The following PIK3R1 variants were observed in gnomAD, a reference collection of about 807,000 sequenced individuals.
PIK3R1 encodes phosphoinositide-3-kinase regulatory subunit 1, also known as phosphatidylinositol 3-kinase regulatory subunit alpha.
A neutral mutation model predicts 98.0 loss-of-function variants in PIK3R1; 29 were observed. The ratio of observed to expected loss-of-function variants is 0.30; its 90% CI spans 0.22 to 0.40. PIK3R1 has a LOEUF of 0.40. PIK3R1 is among the 10% of genes least tolerant of loss of function. The pLI is 1.00. For synonymous variants in PIK3R1, 282 were observed against 311.8 expected, an observed-to-expected ratio of 0.90 and a Z score of 1.01; for missense variants, 596 against 872.7, an observed-to-expected ratio of 0.68 and a Z score of 3.99.
intron 2 of PIK3R1, among the ~76,000 whole-genome samples, chr5:68,261,471 A>G (rs957445558): frequency 4.6e-5 from 7 of 152,164 alleles, no homozygotes; most frequent in Admixed American, 6.5e-5. Context: ...AATAGTGACA[A>G]TCATAAATAG....
rs141981005 is a variant in PIK3R1, at chr5:68,280,609, C to A, written c.716C>A (p.Thr239Lys). The change falls in exon 6 of 16, where the codon ACG becomes AAG. Residue 239 changes from threonine (T) to lysine (K), a missense_variant. Physicochemically the swap from Thr to Lys is moderately conservative, Grantham distance 78. Around this residue, in one of 3 missense-constraint regions of PIK3R1, gnomAD observed 352 missense variants for 393.3 expected, o/e 0.90. Coordinates refer to ENST00000521381, the MANE Select transcript of PIK3R1 (RefSeq NM_181523.3). ...SPSIPHQYWL[T>K]LQYLLKHFFK... ...AGCATACCTCATCAGTATTGGCTTA[C>A]GCTTCAGTATTTGTTAAAACATTTC... The A allele has an allele frequency of 9.3e-6, 15 of 1,613,058 alleles. No homozygotes were observed. Among genetic ancestry groups the A allele is most frequent in the Non-Finnish European group, 1.3e-5 (15 of 1,179,264 alleles).
chr5:68,239,921 C>T (rs1744811255), intron 2 of PIK3R1: 2 of 500,776 alleles, frequency 4.0e-6, no homozygotes, highest in South Asian at 1.5e-5. Flanking sequence ...CTCATCAGAA[C>T]CGCAGGCTGG....
intron 7 of PIK3R1, among the ~76,000 whole-genome samples, chr5:68,283,220 C>G (rs1746922970): frequency 6.6e-6 from 1 of 152,112 alleles, no homozygotes; most frequent in African/African-American, 2.4e-5. Context: ...AAATGAGTAC[C>G]TGAATGATGT....
chr5:68,228,148 G>A (rs577963732), intron 2 of PIK3R1, among the ~76,000 whole-genome samples: 2 of 152,142 alleles, frequency 1.3e-5, no homozygotes, highest in African/African-American at 4.8e-5. Flanking sequence ...ATATATTGAG[G>A]AGACCTGACT....
rs1405541441 is a variant in PIK3R1, at chr5:68,301,386, GTGTGTGTATATATATATATATATA to G, written c.*3787_*3810del. The G allele has an allele frequency of 7.5e-4, 26 of 34,840 alleles. 1 individual carries two copies. Among genetic ancestry groups the G allele is most frequent in the Admixed American group, 2.0e-3 (5 of 2,442 alleles). 2.2% of individuals were successfully genotyped at this position (34,840 alleles called of 1,614,324 possible). A position where few individuals can be genotyped will look rare whatever the true frequency, so the allele number is the denominator to read the frequency against. On this transcript the variant is annotated 3_prime_UTR_variant, in exon 16 of 16. Transcript: ENST00000521381. ...TATATATGTGTGTGTGTGTGTGTGT[GTGTGTGTATATATATATATATATA>G]TATATATATATATATATATATATGT...
intron 2 of PIK3R1, among the ~76,000 whole-genome samples, chr5:68,228,902 C>G (rs1744377295): frequency 6.6e-6 from 1 of 152,110 alleles, no homozygotes; most frequent in Non-Finnish European, 1.5e-5. Flanking sequence ...GTCATTTTCT[C>G]TTTTTATATC....
intron 2 of PIK3R1, among the ~76,000 whole-genome samples, chr5:68,236,477 T>C (rs1744675513): frequency 1.3e-5 from 2 of 149,990 alleles, no homozygotes; most frequent in African/African-American, 4.9e-5. Context: ...TCTCGATCTC[T>C]TGACCTTGTG....
At chr5:68,217,799 G>T (rs1743958578) in intron 1 of PIK3R1, 1 of 152,164 alleles carries the variant, frequency 6.6e-6, no homozygotes, top group Non-Finnish European at 1.5e-5. Flanking sequence ...TTATATGCAG[G>T]TAGGTACTAG....
rs2112312436 is a variant in PIK3R1 at position 68,300,679 on chromosome 5, G to C, written c.*3078G>C. 2 of 233,310 alleles carry C rather than the reference G, an allele frequency of 8.6e-6. No homozygotes were observed. The highest frequency in any genetic ancestry group is 1.2e-4 in the East Asian group (2 of 16,586). 14.5% of individuals were successfully genotyped at this position (233,310 alleles called of 1,614,324 possible). The stretch of plus-strand genomic sequence containing the variant: ...TCCAGTACACCTTTCAGCCAAAACA[G>C]ATCCACAGTAGTTGTTGAGTTCAAG... On this transcript the variant is annotated 3_prime_UTR_variant, in exon 16 of 16. Transcript: ENST00000521381.
rs919015913 is a variant in PIK3R1, at chr5:68,300,418, T to C, written c.*2817T>C. ...AGATACAGCAGAGGCACTCCTGATA[T>C]ATGATTTTTATCCATGCGTCAGTTT... On this transcript the variant is annotated 3_prime_UTR_variant, in exon 16 of 16. Coordinates refer to ENST00000521381, the MANE Select transcript of PIK3R1 (RefSeq NM_181523.3). 2.6e-5 allele frequency: 6 copies of C among 232,934 alleles called. No individual in the cohort carries two copies. Among genetic ancestry groups the C allele is most frequent in the Admixed American group, 5.6e-5 (1 of 17,768 alleles). 14.4% of individuals were successfully genotyped at this position (232,934 alleles called of 1,614,324 possible). A position where few individuals can be genotyped will look rare whatever the true frequency, so the allele number is the denominator to read the frequency against.
intron 2 of PIK3R1, among the ~76,000 whole-genome samples, chr5:68,267,186 T>C (rs899762362): frequency 6.6e-6 from 1 of 152,218 alleles, no homozygotes; most frequent in East Asian, 1.9e-4. Flanking sequence ...CAAACTCCAA[T>C]TTAGGTGATA....
intron 2 of PIK3R1, among the ~76,000 whole-genome samples, chr5:68,242,247 G>A (rs1744897851): frequency 6.6e-6 from 1 of 152,192 alleles, no homozygotes; most frequent in Non-Finnish European, 1.5e-5. Flanking sequence ...TTGCATAGAG[G>A]AAAGAAACAG....
At position 68,226,647 on chromosome 5, in the gene PIK3R1, A is replaced by G. The variant is rs1744285144; in HGVS notation, c.-29A>G. ...CAGACTGCTCTGTACAACCAGGCTC[A>G]ACTGTTGCATGGTAGCAGATTTGCA... On this transcript the variant is annotated 5_prime_UTR_variant, in exon 2 of 16. Coordinates refer to ENST00000521381, the MANE Select transcript of PIK3R1 (RefSeq NM_181523.3). 3 of 1,564,534 alleles carry G rather than the reference A, an allele frequency of 1.9e-6. No individual in the cohort carries two copies. Among genetic ancestry groups the G allele is most frequent in the Non-Finnish European group, 1.8e-6 (2 of 1,137,654 alleles).
intron 2 of PIK3R1, among the ~76,000 whole-genome samples, chr5:68,263,139 A>G (rs1411452761): frequency 5.3e-5 from 1 of 18,790 alleles, no homozygotes; most frequent in Admixed American, 4.1e-4. Flanking sequence ...ATAGATACAT[A>G]TATATTTATA....
intron 2 of PIK3R1, among the ~76,000 whole-genome samples, chr5:68,241,219 G>GA (rs1295833969): frequency 3.3e-5 from 5 of 151,218 alleles, no homozygotes; most frequent in African/African-American, 7.3e-5. Context: ...AAAATGAGAG[G>GA]AAAAAAAATC....
At chr5:68,262,812 CAT>C (rs1745881602) in intron 2 of PIK3R1, among the ~76,000 whole-genome samples, 1 of 59,798 alleles carries the variant, frequency 1.7e-5, no homozygotes, top group Non-Finnish European at 3.3e-5. Context: ...TACATGTATA[CAT>C]GTAGATACAT....
chr5:68,293,234 G>A (rs2112255588), intron 9 of PIK3R1, 35 bp downstream of exon 9: 4 of 1,597,232 alleles, frequency 2.5e-6, no homozygotes, highest in Non-Finnish European at 3.4e-6. Context: ...TTAGGGTTTT[G>A]GGCTGATATT....
intron 2 of PIK3R1, among the ~76,000 whole-genome samples, chr5:68,236,600 A>G (rs1744679696): frequency 6.6e-6 from 1 of 152,212 alleles, no homozygotes; most frequent in Non-Finnish European, 1.5e-5. Flanking sequence ...TTGTGTAAAT[A>G]TTTAAAAAGT....
chr5:68,295,624 A>G (rs532986154), intron 14 of PIK3R1, 136 bp downstream of exon 14: 2 of 729,154 alleles, frequency 2.7e-6, no homozygotes, highest in African/African-American at 3.6e-5. Context: ...GTATAAACTC[A>G]GTGCCATTAT....
Sources: gnomAD v4.1 joint callset for allele counts (sites outside exome capture counted in the v4.1 genomes callset) on GRCh38, gnomAD v4.1.1 for gene constraint, gnomAD v4.1.1 regional missense constraint, MANE v1.5 for transcripts, NCBI Gene and HGNC (gene_info 2026-07-23, HGNC 2026-07-21) for gene names.